NELL2: variants seen among roughly 807,000 people sequenced by gnomAD.
NELL2 encodes protein kinase C-binding protein NELL2.
In NELL2, 41 loss-of-function variants were observed where a neutral mutation model predicts 109.6. That is an observed-to-expected ratio of 0.37 (90% CI 0.29 to 0.49). The LOEUF (loss-of-function observed/expected upper bound fraction) is 0.49. Ranked by LOEUF, NELL2 falls within the 20% of genes least tolerant of loss-of-function variation. The pLI is 0.98. For synonymous variants in NELL2, 355 were observed against 344.7 expected (o/e 1.03, Z -0.33); for missense variants, 900 against 1,008.3 (o/e 0.89, Z 1.45).
At chr12:44,743,014 T>C (rs1266725066) in intron 9 of NELL2, among the ~76,000 whole-genome samples, 2 of 150,634 alleles carry the variant, frequency 1.3e-5, no homozygotes. Flanking sequence ...TTCACCAAAG[T>C]TGAAATGAAG....
At chr12:44,891,009 C>T (rs546721768) in intron 1 of NELL2, among the ~76,000 whole-genome samples, 4 of 152,326 alleles carry the variant, frequency 2.6e-5, no homozygotes, top group East Asian at 1.9e-4. Flanking sequence ...GGACTACAGG[C>T]GTAAGCCACC....
chr12:44,863,014 T>C (rs1944886238), intron 2 of NELL2, among the ~76,000 whole-genome samples: 1 of 152,160 alleles, frequency 6.6e-6, no homozygotes, highest in Non-Finnish European at 1.5e-5. Flanking sequence ...TACATAGGTA[T>C]ACACGTGCCA....
chr12:44,871,775 A>AC (rs1304785651), intron 2 of NELL2, among the ~76,000 whole-genome samples: 3 of 152,288 alleles, frequency 2.0e-5, no homozygotes, highest in Middle Eastern at 6.8e-3. Context: ...GAGACGTACG[A>AC]CCTTTTTTTC....
chr12:44,532,211 A>C (rs1942096535), intron 16 of NELL2, among the ~76,000 whole-genome samples: 1 of 152,060 alleles, frequency 6.6e-6, no homozygotes, highest in Non-Finnish European at 1.5e-5. Flanking sequence ...CATTTCCTCT[A>C]TCCCCATTTT....
At chr12:44,544,670 A>T (rs1942721110) in intron 15 of NELL2, among the ~76,000 whole-genome samples, 1 of 152,104 alleles carries the variant, frequency 6.6e-6, no homozygotes, top group Non-Finnish European at 1.5e-5. Context: ...ATATATATTT[A>T]AAAACATTTA....
intron 2 of NELL2, among the ~76,000 whole-genome samples, chr12:44,819,231 A>G (rs1489175665): frequency 6.6e-6 from 1 of 152,190 alleles, no homozygotes; most frequent in Non-Finnish European, 1.5e-5. Flanking sequence ...AAAATTGATC[A>G]ATCAGCGTTT....
At chr12:44,820,980 G>T (rs1943523544) in intron 2 of NELL2, among the ~76,000 whole-genome samples, 1 of 151,820 alleles carries the variant, frequency 6.6e-6, no homozygotes, top group Non-Finnish European at 1.5e-5. Flanking sequence ...GAGGAGGATG[G>T]AGGGATGGAC....
chr12:44,589,591 G>A (rs1944668930), intron 15 of NELL2, among the ~76,000 whole-genome samples: 1 of 152,112 alleles, frequency 6.6e-6, no homozygotes, highest in African/African-American at 2.4e-5. Context: ...ATTTTGGCCA[G>A]GATGGTTTCA....
intron 3 of NELL2, among the ~76,000 whole-genome samples, chr12:44,815,208 C>T (rs1228540518): frequency 6.6e-6 from 1 of 152,002 alleles, no homozygotes; most frequent in African/African-American, 2.4e-5. Flanking sequence ...CCATCCAGAG[C>T]TCCTAATCCT....
chr12:44,715,095 G>A (rs964152811), intron 9 of NELL2, among the ~76,000 whole-genome samples: 8 of 151,696 alleles, frequency 5.3e-5, no homozygotes, highest in African/African-American at 1.9e-4. Flanking sequence ...TAAATCAGGG[G>A]TAATATGAGA....
chr12:44,644,627 C>CATAT (rs1189094713), intron 13 of NELL2, among the ~76,000 whole-genome samples: 5 of 58,092 alleles, frequency 8.6e-5, no homozygotes, highest in African/African-American at 4.2e-4. Context: ...TATATATATA[C>CATAT]ATACATATAT....
chr12:44,867,048 T>A (rs1279298688), intron 2 of NELL2, among the ~76,000 whole-genome samples: 1 of 152,146 alleles, frequency 6.6e-6, no homozygotes, highest in Non-Finnish European at 1.5e-5. Flanking sequence ...GCTTCACTGC[T>A]AAACTCTATT....
At chr12:44,578,364 G>A (rs1944188827) in intron 15 of NELL2, among the ~76,000 whole-genome samples, 1 of 151,600 alleles carries the variant, frequency 6.6e-6, no homozygotes, top group Non-Finnish European at 1.5e-5. Context: ...AGTACTTCAA[G>A]TTTAAGTAAA....
chr12:44,775,192 T>C (rs932652688), intron 8 of NELL2, among the ~76,000 whole-genome samples: 3 of 146,510 alleles, frequency 2.0e-5, no homozygotes, highest in African/African-American at 5.6e-5. Context: ...TGTTCCTGAA[T>C]AAAAACTGTA....
intron 6 of NELL2, 42 bp from the exon 7 acceptor site, chr12:44,777,166 AG>A: frequency 6.2e-7 from 1 of 1,610,958 alleles, no homozygotes; most frequent in Non-Finnish European, 8.5e-7. Flanking sequence ...TGCATTTATA[AG>A]GGGTTCAATC....
intron 12 of NELL2, among the ~76,000 whole-genome samples, chr12:44,701,811 T>C (rs1358276878): frequency 6.6e-6 from 1 of 152,068 alleles, no homozygotes; most frequent in Non-Finnish European, 1.5e-5. Context: ...AACACAATAG[T>C]TCATCTATCA....
At chr12:44,591,497 T>TGGAGAACA (rs1944748129) in intron 15 of NELL2, among the ~76,000 whole-genome samples, 1 of 138,074 alleles carries the variant, frequency 7.2e-6, no homozygotes, top group Non-Finnish European at 1.6e-5. Flanking sequence ...GAACATTATA[T>TGGAGAACA]TAAGTGAAAT....
In NELL2 at chr12:44,613,490, G is replaced by A. The variant is rs148393445; in HGVS notation, c.1445-2520C>T. On this transcript the variant is annotated intron_variant, in intron 13 of 19. Coordinates refer to ENST00000429094, the MANE Select transcript of NELL2 (RefSeq NM_001145108.2). The stretch of plus-strand genomic sequence containing the variant: ...CCAAACACAGAGCTCTTAAAAATCC[G>A]AGCTGTTTTTCACATTGATTTTACT... Among the ~76,000 whole-genome samples the A allele has an allele frequency of 7.2e-5, 11 of 152,140 alleles. No homozygotes were observed. In the East Asian group the frequency reaches 1.5e-3, roughly 21 times the overall value.
Position 44,641,653 on chromosome 12 carries a change from G to C in NELL2, c.1444+23831C>G, listed in dbSNP as rs990920929. On this transcript the variant is annotated intron_variant, in intron 13 of 19. Coordinates refer to ENST00000429094, the MANE Select transcript of NELL2 (RefSeq NM_001145108.2). The stretch of plus-strand genomic sequence containing the variant: ...CTAGTCAGTCATAGTCCTGAGTTTT[G>C]GTATTTAAACTCGTGAGGACTTGTA... 2.0e-5 allele frequency among the ~76,000 whole-genome samples: 3 copies of C among 146,810 alleles called. No homozygotes were observed. In the South Asian group the frequency reaches 6.6e-4, roughly 32 times the overall value.
Sources: allele counts gnomAD v4.1 joint callset (sites outside exome capture counted in the v4.1 genomes callset), GRCh38; gene constraint gnomAD v4.1.1; transcripts MANE v1.5; gene names NCBI Gene and HGNC (gene_info 2026-07-23, HGNC 2026-07-21).